SCUBE3: variants seen among roughly 807,000 people sequenced by gnomAD.
SCUBE3 encodes the protein signal peptide, CUB domain and EGF like domain containing 3.
SCUBE3 carries 33 observed loss-of-function variants against 116.8 expected under a neutral mutation model. The observed-to-expected ratio is 0.28, with a 90% confidence interval of 0.21 to 0.38. SCUBE3 has a LOEUF of 0.38. SCUBE3 is among the 10% of genes least tolerant of loss of function. SCUBE3 has a pLI of 1.00. For missense variants in SCUBE3, 1,007 were observed against 1,324.8 expected, an observed-to-expected ratio of 0.76 and a Z score of 3.72; for synonymous variants, 418 against 496.9, an observed-to-expected ratio of 0.84 and a Z score of 2.11.
At position 35,248,574 on chromosome 6, in the gene SCUBE3, G is replaced by A; in HGVS notation, c.2851G>A (p.Ala951Thr). 2 of 1,614,026 alleles carry A rather than the reference G, an allele frequency of 1.2e-6. No homozygotes were observed. The highest frequency in any genetic ancestry group is 8.5e-7 in the Non-Finnish European group (1 of 1,179,944). Reference sequence around the variant, plus strand: ...TTTGCAGGACAAGAAGCTCATCAAGGCCTTCTTTGAGGTGCTAGCCCACCC... The same window carrying A: ...TTTGCAGGACAAGAAGCTCATCAAGACCTTCTTTGAGGTGCTAGCCCACCC... ...EILKDKKLIK[A>T]FFEVLAHPQN... The change falls in exon 22 of 22, where the codon GCC (alanine) becomes ACC (threonine). Residue 951 changes from alanine (A) to threonine (T), a missense_variant. Around this residue, in one of 5 missense-constraint regions of SCUBE3, gnomAD observed 118 missense variants for 196.6 expected, o/e 0.60. Coordinates refer to ENST00000274938, the MANE Select transcript of SCUBE3 (RefSeq NM_152753.4).
chr6:35,225,993 G>T (rs1034655618), intron 1 of SCUBE3, among the ~76,000 whole-genome samples: 1 of 152,164 alleles, frequency 6.6e-6, no homozygotes, highest in Non-Finnish European at 1.5e-5. Flanking sequence ...CTCCCATTCA[G>T]TGATCACTCA....
chr6:35,214,317 G>GCCCCCACCCCT lies in SCUBE3; in HGVS notation c.-97_-96insACCCCTCCCCC. 1 of 622,900 alleles carries GCCCCCACCCCT rather than the reference G, an allele frequency of 1.6e-6. No individual in the cohort carries two copies. The highest frequency in any genetic ancestry group is 3.7e-5 in the East Asian group (1 of 26,910). 38.6% of individuals were successfully genotyped at this position (622,900 alleles called of 1,614,324 possible). A position where few individuals can be genotyped will look rare whatever the true frequency, so the allele number is the denominator to read the frequency against. On this transcript the variant is annotated 5_prime_UTR_variant, in exon 1 of 22. Coordinates refer to ENST00000274938, the MANE Select transcript of SCUBE3 (RefSeq NM_152753.4). This position sits in a 1 kb window ranked among gnomAD's most constrained non-coding sequence, Gnocchi z 6.3. The stretch of plus-strand genomic sequence containing the variant: ...GCCCCCGGCCTGGCCCCGGCGGGGC[G>GCCCCCACCCCT]CCCCCTCCCCTCCCCCTCCTGCGAG...
Position 35,241,119 on chromosome 6 carries a change from G to A in SCUBE3, c.1070-22G>A. The A allele has an allele frequency of 6.4e-7, 1 of 1,565,550 alleles. No homozygotes were observed. The highest frequency in any genetic ancestry group is 1.7e-4 in the Middle Eastern group (1 of 5,882). ...CCTCCAACTCCATCGTTGTTTTTCT[G>A]TCTCCCTACTCCTTCCCCCAGATGT... On this transcript the variant is annotated intron_variant, in intron 9 of 21. Coordinates refer to ENST00000274938, the MANE Select transcript of SCUBE3 (RefSeq NM_152753.4). The surrounding 1 kb of genome is among the most constrained non-coding windows in gnomAD (Gnocchi z 4.1).
At position 35,241,144 on chromosome 6, in the gene SCUBE3, T is replaced by G; in HGVS notation, c.1073T>G (p.Val358Gly). 1 of 1,591,980 alleles carries G rather than the reference T, an allele frequency of 6.3e-7. No individual in the cohort carries two copies. The highest frequency in any genetic ancestry group is 8.6e-7 in the Non-Finnish European group (1 of 1,162,432). ...GTCTCCCTACTCCTTCCCCCAGATG[T>G]GGATGAATGCAGCATCAACCGGGGA... is the stretch of plus-strand genomic sequence containing the variant. ...LLYGITHCGDVDECSINRGGC... is the reference protein window; with the variant it reads ...LLYGITHCGDGDECSINRGGC... The change falls in exon 10 of 22, where the codon GTG becomes GGG. Residue 358 changes from valine to glycine, a missense_variant. By Grantham distance (109) the Val-to-Gly change is moderately radical. Coordinates refer to ENST00000274938, the MANE Select transcript of SCUBE3 (RefSeq NM_152753.4). The surrounding 1 kb of genome is among the most constrained non-coding windows in gnomAD (Gnocchi z 4.1).
intron 1 of SCUBE3, among the ~76,000 whole-genome samples, chr6:35,226,261 C>T (rs1158589001): frequency 6.6e-6 from 1 of 152,174 alleles, no homozygotes; most frequent in Non-Finnish European, 1.5e-5. Flanking sequence ...CTCACCTTAT[C>T]TCTCATGTCT....
chr6:35,226,239 G>C (rs563723429), intron 1 of SCUBE3, among the ~76,000 whole-genome samples: 2 of 152,164 alleles, frequency 1.3e-5, no homozygotes, highest in Non-Finnish European at 2.9e-5. Context: ...GATGTGCAGG[G>C]TGGAGGACCC....
rs1262735700 is a variant in SCUBE3 at position 35,243,262 on chromosome 6, G to T, written c.1909+26G>T. ...GTAAGGGAGCTTACTGGGGAGCAGG[G>T]ATGTAGGAAAGACCCAGTTTGGGCC... is the stretch of plus-strand genomic sequence containing the variant. On this transcript the variant is annotated intron_variant, in intron 15 of 21. Transcript: ENST00000274938. This position sits in a 1 kb window ranked among gnomAD's most constrained non-coding sequence, Gnocchi z 6.6. 6.3e-7 allele frequency: 1 copy of T among 1,597,954 alleles called. No homozygotes were observed. Among genetic ancestry groups the T allele is most frequent in the Non-Finnish European group, 8.6e-7 (1 of 1,168,452 alleles).
rs1264327847 is a variant in SCUBE3 at position 35,244,242 on chromosome 6, G to A, written c.2239+112G>A. ...CCACCATTTTCTCCAAACCAGTAAT[G>A]GGCCCAGCTACTTGACCAACCATAC... On this transcript the variant is annotated intron_variant, in intron 17 of 21. Transcript: ENST00000274938. The surrounding 1 kb of genome is among the most constrained non-coding windows in gnomAD (Gnocchi z 4.3). 1 of 931,116 alleles carries A rather than the reference G, an allele frequency of 1.1e-6. No individual in the cohort carries two copies. The highest frequency in any genetic ancestry group is 1.6e-6 in the Non-Finnish European group (1 of 619,694). The allele number at this position is 931,116 out of a possible 1,614,324, so 57.7% of individuals were successfully genotyped here.
rs1249974051 is a variant in SCUBE3 at position 35,245,147 on chromosome 6, A to G, written c.2402-81A>G. 2 of 1,290,616 alleles carry G rather than the reference A, an allele frequency of 1.5e-6. No individual in the cohort carries two copies. The highest frequency in any genetic ancestry group is 4.6e-5 in the East Asian group (2 of 43,314). The allele number at this position is 1,290,616 out of a possible 1,614,324, so 79.9% of individuals were successfully genotyped here. A position where few individuals can be genotyped will look rare whatever the true frequency, so the allele number is the denominator to read the frequency against. On this transcript the variant is annotated intron_variant, in intron 18 of 21. Coordinates refer to ENST00000274938, the MANE Select transcript of SCUBE3 (RefSeq NM_152753.4). The surrounding 1 kb of genome is among the most constrained non-coding windows in gnomAD (Gnocchi z 4.2). ...CCCATAAATGTCTGACCTCTACTTC[A>G]GAACTCTTCAATTCCCCCAGCACAC...
Position 35,244,237 on chromosome 6 carries a change from G to A in SCUBE3, c.2239+107G>A. The stretch of plus-strand genomic sequence containing the variant: ...CTGACCCACCATTTTCTCCAAACCA[G>A]TAATGGGCCCAGCTACTTGACCAAC... On this transcript the variant is annotated intron_variant, in intron 17 of 21. Transcript: ENST00000274938. The surrounding 1 kb of genome is among the most constrained non-coding windows in gnomAD (Gnocchi z 4.3). 1.0e-6 allele frequency: 1 copy of A among 980,406 alleles called. No individual in the cohort carries two copies. The highest frequency in any genetic ancestry group is 2.3e-5 in the Admixed American group (1 of 43,202). 60.7% of individuals were successfully genotyped at this position (980,406 alleles called of 1,614,324 possible).
In SCUBE3 at chr6:35,232,700, G is replaced by A. The variant is rs140608767; in HGVS notation, c.470-150G>A. Reference sequence around the variant, plus strand: ...ACCCAGGTCTGTGGGGAAGACAGGAGGCCTGGGACAAGGAGAGTCAGTCCC... The same window carrying A: ...ACCCAGGTCTGTGGGGAAGACAGGAAGCCTGGGACAAGGAGAGTCAGTCCC... On this transcript the variant is annotated intron_variant, in intron 4 of 21. Coordinates refer to ENST00000274938, the MANE Select transcript of SCUBE3 (RefSeq NM_152753.4). This position sits in a 1 kb window ranked among gnomAD's most constrained non-coding sequence, Gnocchi z 4.2. 4.1e-4 allele frequency: 295 copies of A among 716,330 alleles called. 4 individuals are homozygous for A. In the East Asian group the frequency reaches 7.3e-3, roughly 18 times the overall value. The allele number at this position is 716,330 out of a possible 1,614,324, so 44.4% of individuals were successfully genotyped here. A position where few individuals can be genotyped will look rare whatever the true frequency, so the allele number is the denominator to read the frequency against.
intron 6 of SCUBE3, among the ~76,000 whole-genome samples, chr6:35,234,941 C>A (rs1314397728): frequency 2.0e-5 from 3 of 152,244 alleles, no homozygotes; most frequent in Admixed American, 2.0e-4. Flanking sequence ...CAGCTATATT[C>A]TTTCCTAGTT....
At position 35,231,753 on chromosome 6, in the gene SCUBE3, C is replaced by A. The variant is rs374017955; in HGVS notation, c.363C>A (p.Gly121=). 5 of 1,613,102 alleles carry A rather than the reference C, an allele frequency of 3.1e-6. No individual in the cohort carries two copies. The highest frequency in any genetic ancestry group is 2.5e-6 in the Non-Finnish European group (3 of 1,179,232). The change falls in exon 4 of 22, where the codon GGC becomes GGA. Residue 121 remains glycine, a synonymous_variant. Coordinates refer to ENST00000274938, the MANE Select transcript of SCUBE3 (RefSeq NM_152753.4). This position sits in a 1 kb window ranked among gnomAD's most constrained non-coding sequence, Gnocchi z 4.2. ...LDVDECAEGN[G]GCQQSCVNMM... is the part of the protein sequence containing the mutation. Reference sequence around the variant, plus strand: ...TGGACGAGTGTGCCGAGGGCAACGGCGGCTGTCAGCAGAGCTGTGTCAACA... The same window carrying A: ...TGGACGAGTGTGCCGAGGGCAACGGAGGCTGTCAGCAGAGCTGTGTCAACA...
intron 21 of SCUBE3, 71 bp from the exon 22 acceptor site, chr6:35,248,485 G>A: frequency 6.9e-7 from 1 of 1,459,522 alleles, no homozygotes; most frequent in Non-Finnish European, 9.6e-7. Flanking sequence ...AAGAAGGGCT[G>A]CTGAGTCATG....
chr6:35,224,561 G>A (rs1391003413), intron 1 of SCUBE3: 1 of 146,126 alleles, frequency 6.8e-6, no homozygotes, highest in Non-Finnish European at 1.5e-5. Flanking sequence ...CTGGGAGGCA[G>A]AGGTTGCAGT....
Position 35,250,303 on chromosome 6 carries a change from T to C in SCUBE3, c.*1598T>C, listed in dbSNP as rs187903138. 6.6e-6 allele frequency: 1 copy of C among 152,408 alleles called. No individual in the cohort carries two copies. The highest frequency in any genetic ancestry group is 1.9e-4 in the East Asian group (1 of 5,190). The allele number at this position is 152,408 out of a possible 1,614,324, so 9.4% of individuals were successfully genotyped here. ...CTGGTCAGTGATTCTCTACCCCAAGTAGGGAAAACCTCCATCTTTTCCCTG... is the reference window on the plus strand; with the variant it reads ...CTGGTCAGTGATTCTCTACCCCAAGCAGGGAAAACCTCCATCTTTTCCCTG... On this transcript the variant is annotated 3_prime_UTR_variant, in exon 22 of 22. Transcript: ENST00000274938.
rs1249416454 is a variant in SCUBE3, at chr6:35,235,304, T to C, written c.712+2003T>C. Reference sequence around the variant, plus strand: ...AGGATAAGGATGAGGAGTGAAGCTGTCATAAGGGTCCCAGGGCTCATCATT... The same window carrying C: ...AGGATAAGGATGAGGAGTGAAGCTGCCATAAGGGTCCCAGGGCTCATCATT... On this transcript the variant is annotated intron_variant, in intron 6 of 21. Transcript: ENST00000274938. The surrounding 1 kb of genome is among the most constrained non-coding windows in gnomAD (Gnocchi z 4.5). 1 of 400,508 alleles carries C rather than the reference T, an allele frequency of 2.5e-6. No homozygotes were observed. Among genetic ancestry groups the C allele is most frequent in the Non-Finnish European group, 5.0e-6 (1 of 199,896 alleles). 24.8% of individuals were successfully genotyped at this position (400,508 alleles called of 1,614,324 possible).
In SCUBE3 at chr6:35,245,602, CAT is replaced by C. The variant is rs562606708; in HGVS notation, c.2599+178_2599+179del. ...CTAACAAAGGAAAACAGCAATGACA[CAT>C]GTTTGGTAGAAAACAGAGTTAAGAA... On this transcript the variant is annotated intron_variant, in intron 19 of 21. Coordinates refer to ENST00000274938, the MANE Select transcript of SCUBE3 (RefSeq NM_152753.4). This position sits in a 1 kb window ranked among gnomAD's most constrained non-coding sequence, Gnocchi z 4.2. Among the ~76,000 whole-genome samples, 17 of 152,338 alleles carry C rather than the reference CAT, an allele frequency of 1.1e-4. No homozygotes were observed. In the East Asian group the frequency reaches 1.2e-3, roughly 10 times the overall value.
At chr6:35,237,876 C>T (rs372814558) in intron 6 of SCUBE3, 26 bp from the exon 7 acceptor site, 13 of 1,446,776 alleles carry the variant, frequency 9.0e-6, no homozygotes, top group Non-Finnish European at 1.1e-5. Context: ...AACCTCATTA[C>T]CATCCCCCAC....
Sources: gnomAD v4.1 joint callset for allele counts (sites outside exome capture counted in the v4.1 genomes callset) on GRCh38, gnomAD v4.1.1 for gene constraint, gnomAD v4.1.1 regional missense constraint, Gnocchi (gnomAD v3.1) non-coding constraint, MANE v1.5 for transcripts, NCBI Gene and HGNC (gene_info 2026-07-23, HGNC 2026-07-21) for gene names.